The following ATP9A variants were observed in gnomAD, a reference collection of about 807,000 sequenced individuals.
ATP9A encodes the protein ATPase phospholipid transporting 9A.
Under a neutral mutation model 144.1 loss-of-function variants are expected in ATP9A, and 52 were observed. The ratio of observed to expected loss-of-function variants is 0.36; its 90% CI spans 0.29 to 0.45. The LOEUF (loss-of-function observed/expected upper bound fraction) is 0.45. Ranked by LOEUF, ATP9A falls within the 20% of genes least tolerant of loss-of-function variation. The pLI, the probability that ATP9A is intolerant of heterozygous loss-of-function variation, is 1.00. For missense variants in ATP9A, 947 were observed against 1,392.7 expected (o/e 0.68, Z 5.09); for synonymous variants, 582 against 557.4 (o/e 1.04, Z -0.62).
intron 1 of ATP9A, among the ~76,000 whole-genome samples, chr20:51,737,032 G>A (rs1199038880): frequency 6.6e-6 from 1 of 152,138 alleles, no homozygotes; most frequent in African/African-American, 2.4e-5. Flanking sequence ...TTGTTACAGT[G>A]GATAAAGTGA....
At position 51,618,643 on chromosome 20, in the gene ATP9A, C is replaced by A; in HGVS notation, c.2350+19G>T. The A allele has an allele frequency of 6.2e-7, 1 of 1,604,370 alleles. No homozygotes were observed. On this transcript the variant is annotated intron_variant, in intron 21 of 27. Coordinates refer to ENST00000338821, the MANE Select transcript of ATP9A (RefSeq NM_006045.3). ...CACCGGCAGGCCAGGGCCAGCAGCA[C>A]AGCCTGAGCCTCGCCTACCTACTGC...
At chr20:51,608,649 G>T in intron 24 of ATP9A, 23 bp from the exon 25 acceptor site, 1 of 1,483,746 alleles carries the variant, frequency 6.7e-7, no homozygotes, top group Non-Finnish European at 9.4e-7. Flanking sequence ...ACCGCCATAG[G>T]TAAGACCTGG....
At chr20:51,758,342 A>G (rs1380889144) in intron 1 of ATP9A, among the ~76,000 whole-genome samples, 2 of 152,200 alleles carry the variant, frequency 1.3e-5, no homozygotes, top group Admixed American at 1.3e-4. Context: ...CACCTTCATG[A>G]GTGACCCTGA....
chr20:51,608,676 T>A, intron 24 of ATP9A, 50 bp from the exon 25 acceptor site: 1 of 1,196,984 alleles, frequency 8.4e-7, no homozygotes, highest in Non-Finnish European at 1.2e-6. Flanking sequence ...CGATAGGAGC[T>A]ATGTGCTGTG....
At chr20:51,763,402 T>A (rs2077890268) in intron 1 of ATP9A, among the ~76,000 whole-genome samples, 1 of 151,168 alleles carries the variant, frequency 6.6e-6, no homozygotes, top group African/African-American at 2.4e-5. Flanking sequence ...CAGCTCTGCC[T>A]CCTGGGTTCA....
chr20:51,656,606 A>T (rs1013979053), intron 14 of ATP9A, among the ~76,000 whole-genome samples: 2 of 152,124 alleles, frequency 1.3e-5, no homozygotes, highest in African/African-American at 4.8e-5. Context: ...ACTGTATGGA[A>T]TGTGGAGTTT....
At chr20:51,624,114 C>G (rs1012203955) in intron 18 of ATP9A, among the ~76,000 whole-genome samples, 14 of 152,236 alleles carry the variant, frequency 9.2e-5, no homozygotes, top group Non-Finnish European at 2.1e-4. Flanking sequence ...GGCCAGACTT[C>G]CGGAAGCAAG....
At chr20:51,644,177 ATCTG>A (rs1383823029) in intron 14 of ATP9A, among the ~76,000 whole-genome samples, 3 of 151,282 alleles carry the variant, frequency 2.0e-5, no homozygotes, top group Non-Finnish European at 4.4e-5. Flanking sequence ...AAATTATCCC[ATCTG>A]TCTATGTAAA....
chr20:51,757,360 C>T (rs1250233077), intron 1 of ATP9A, among the ~76,000 whole-genome samples: 2 of 152,126 alleles, frequency 1.3e-5, no homozygotes, highest in Non-Finnish European at 1.5e-5. Flanking sequence ...GCCCGTGGCA[C>T]GTGGGAGATC....
intron 1 of ATP9A, among the ~76,000 whole-genome samples, chr20:51,754,351 A>G (rs1671986623): frequency 1.3e-5 from 2 of 151,978 alleles, no homozygotes; most frequent in African/African-American, 4.8e-5. Context: ...AAAATACAAA[A>G]AAGTAGCCAG....
intron 1 of ATP9A, among the ~76,000 whole-genome samples, chr20:51,747,021 G>A (rs74816670): frequency 0.11 from 16,896 of 149,420 alleles, 1,218 homozygotes; most frequent in Non-Finnish European, 0.16. Flanking sequence ...AAAGAGAAAA[G>A]AAAAAGGAGT....
chr20:51,666,993 A>C (rs1007992239), intron 13 of ATP9A, among the ~76,000 whole-genome samples: 1 of 152,184 alleles, frequency 6.6e-6, no homozygotes, highest in East Asian at 1.9e-4. Context: ...AAAGATGCAC[A>C]CACTCTCACT....
At chr20:51,753,179 T>G (rs768867037) in intron 1 of ATP9A, among the ~76,000 whole-genome samples, 5 of 152,106 alleles carry the variant, frequency 3.3e-5, no homozygotes, top group Non-Finnish European at 7.3e-5. Context: ...CAAATCAACT[T>G]GTGAGACTAT....
At chr20:51,766,868 A>C (rs1338277594) in intron 1 of ATP9A, among the ~76,000 whole-genome samples, 1 of 151,964 alleles carries the variant, frequency 6.6e-6, no homozygotes, top group Admixed American at 6.6e-5. Flanking sequence ...AATAATAATA[A>C]ACGCAAAACA....
In ATP9A at chr20:51,676,123, C is replaced by T. The variant is rs764151637; in HGVS notation, c.876+9G>A. 19 of 1,610,386 alleles carry T rather than the reference C, an allele frequency of 1.2e-5. No individual in the cohort carries two copies. The South Asian group carries it at 1.2e-4, about 10-fold the overall frequency. On this transcript the variant is annotated intron_variant, in intron 10 of 27. Transcript: ENST00000338821. The stretch of plus-strand genomic sequence containing the variant: ...AGCCGGTCAATGTACCCCATGACCT[C>T]GTACACACCTTACTTCGGGGATTTG...
intron 13 of ATP9A, among the ~76,000 whole-genome samples, chr20:51,657,800 G>A (rs1296209748): frequency 6.6e-6 from 1 of 152,204 alleles, no homozygotes; most frequent in Non-Finnish European, 1.5e-5. Context: ...AACAGCCAGA[G>A]GAAACCTTGG....
chr20:51,710,228 A>G (rs760183809), intron 4 of ATP9A, among the ~76,000 whole-genome samples: 33 of 152,260 alleles, frequency 2.2e-4, no homozygotes, highest in African/African-American at 2.9e-4. Context: ...GCTTAAACCC[A>G]GGAGGTGGAG....
At chr20:51,711,654 T>C (rs2077638945) in intron 4 of ATP9A, among the ~76,000 whole-genome samples, 1 of 152,174 alleles carries the variant, frequency 6.6e-6, no homozygotes, top group South Asian at 2.1e-4. Flanking sequence ...CTCTCATTTC[T>C]GAATGCAACC....
intron 3 of ATP9A, among the ~76,000 whole-genome samples, chr20:51,721,330 A>C (rs997616607): frequency 1.3e-5 from 2 of 152,236 alleles, no homozygotes; most frequent in Non-Finnish European, 2.9e-5. Flanking sequence ...TAGTCAAAAA[A>C]ATTTAATAAG....
Sources: allele counts gnomAD v4.1 joint callset (sites outside exome capture counted in the v4.1 genomes callset), GRCh38; gene constraint gnomAD v4.1.1; transcripts MANE v1.5; gene names NCBI Gene and HGNC (gene_info 2026-07-23, HGNC 2026-07-21).